Variants in DEK observed in about 807,000 individuals in gnomAD.
The protein encoded by DEK is protein DEK.
DEK carries 28 observed loss-of-function variants against 46.8 expected under a neutral mutation model. That is an observed-to-expected ratio of 0.60 (90% confidence interval 0.44 to 0.82). DEK has a LOEUF of 0.82. Among genes scored for constraint, DEK ranks in the 40% least tolerant of loss-of-function variants. The pLI is 0.00. For synonymous variants in DEK, 160 were observed against 144.5 expected (o/e 1.11, Z -0.77); for missense variants, 416 against 430.6 (o/e 0.97, Z 0.30).
chr6:18,264,100 T>C (rs1298745931), intron 1 of DEK, 104 bp from the exon 2 acceptor site: 33 of 1,095,564 alleles, frequency 3.0e-5, no homozygotes, highest in Non-Finnish European at 4.0e-5. Context: ...ACACCTGCCC[T>C]GAAAGTTGCC....
intron 2 of DEK, among the ~76,000 whole-genome samples, chr6:18,261,227 G>C (rs1791847757): frequency 1.3e-5 from 2 of 152,144 alleles, no homozygotes; most frequent in Non-Finnish European, 2.9e-5. Flanking sequence ...CAGACATGCA[G>C]TAAAAGGAGA....
intron 8 of DEK, chr6:18,237,004 C>G (rs1582264281): frequency 5.3e-6 from 1 of 190,068 alleles, no homozygotes; most frequent in African/African-American, 2.3e-5. Context: ...AGATAGGAGA[C>G]TCGCTTGAGT....
intron 6 of DEK, among the ~76,000 whole-genome samples, chr6:18,250,064 G>A (rs1297885355): frequency 2.0e-5 from 3 of 152,168 alleles, no homozygotes; most frequent in East Asian, 1.9e-4. Flanking sequence ...CTCAATTGTA[G>A]AGAAATATGT....
chr6:18,264,028 T>A (rs1791996932), intron 1 of DEK, 32 bp from the exon 2 acceptor site: 1 of 1,562,270 alleles, frequency 6.4e-7, no homozygotes, highest in African/African-American at 1.4e-5. Flanking sequence ...GACGTCTCGG[T>A]CCTCCTACTC....
chr6:18,264,481 T>C lies in DEK; in HGVS notation c.-106A>G, dbSNP rs753085208. 3.7e-6 allele frequency: 1 copy of C among 273,604 alleles called. No homozygotes were observed. The highest frequency in any genetic ancestry group is 5.4e-4 in the Middle Eastern group (1 of 1,860). The allele number at this position is 273,604 out of a possible 1,614,324, so 16.9% of individuals were successfully genotyped here. On this transcript the variant is annotated 5_prime_UTR_variant, in exon 1 of 11. Coordinates refer to ENST00000652689, the MANE Select transcript of DEK (RefSeq NM_003472.4). ...GCCGAGGAGAAGGCGCGCGGGCCGCTGTCTGGCGTGACGCTCGCGCCGCGC... is the reference window on the plus strand; with the variant it reads ...GCCGAGGAGAAGGCGCGCGGGCCGCCGTCTGGCGTGACGCTCGCGCCGCGC...
rs1391973282 is a variant in DEK at position 18,263,970 on chromosome 6, A to G, written c.18T>C (p.Pro6=). The change falls in exon 2 of 11, where the codon CCT becomes CCC. Residue 6 remains proline (P), a synonymous_variant. Coordinates refer to ENST00000652689, the MANE Select transcript of DEK (RefSeq NM_003472.4). ...TGGGGGTTCCCTCCCCCTCCGCAGC[A>G]GGGGCCGAGGCGGACATGCTGTGAA... is the stretch of plus-strand genomic sequence containing the variant. The part of the protein sequence containing the change: MSASA[P]AAEGEGTPTQ... 4.3e-6 allele frequency: 7 copies of G among 1,611,200 alleles called. No homozygotes were observed. The Admixed American group carries it at 1.2e-4, about 27-fold the overall frequency.
chr6:18,257,257 T>C (rs142026483), intron 4 of DEK, among the ~76,000 whole-genome samples: 27 of 152,334 alleles, frequency 1.8e-4, no homozygotes, highest in African/African-American at 6.3e-4. Flanking sequence ...ATCATATGTA[T>C]GATCTCATAC....
intron 9 of DEK, among the ~76,000 whole-genome samples, chr6:18,227,918 A>G (rs986381907): frequency 1.7e-4 from 26 of 152,112 alleles, no homozygotes; most frequent in African/African-American, 6.3e-4. Flanking sequence ...CCTCTACTCC[A>G]CTGCTCAGTC....
At chr6:18,263,416 C>A (rs1258003081) in intron 2 of DEK, among the ~76,000 whole-genome samples, 1 of 152,082 alleles carries the variant, frequency 6.6e-6, no homozygotes, top group African/African-American at 2.4e-5. Flanking sequence ...TCTTAACGGG[C>A]TGCACCAAGA....
intron 2 of DEK, 139 bp downstream of exon 2, chr6:18,263,704 T>C (rs1791975425): frequency 1.9e-6 from 3 of 1,563,208 alleles, no homozygotes; most frequent in African/African-American, 2.8e-5. Context: ...GCAGATAAAT[T>C]GTGCACACAT....
At chr6:18,246,351 G>A (rs78298666) in intron 7 of DEK, among the ~76,000 whole-genome samples, 3,113 of 152,212 alleles carry the variant, frequency 0.02, 103 homozygotes, top group African/African-American at 0.07. Flanking sequence ...TTTATAAAGG[G>A]ATTTCTTTCT....
chr6:18,256,388 T>C lies in DEK; in HGVS notation c.425A>G (p.Tyr142Cys). ...TTTCAACATTTCTTCCTTCTTTTTA[T>C]ATTGGACACTTCCTTTTTCAAATGG... ...GFPFEKGSVQ[Y>C]KKKEEMLKKF... The change falls in exon 5 of 11, where the codon TAT becomes TGT. Residue 142 changes from tyrosine to cysteine, a missense_variant. Transcript: ENST00000652689. 3 of 1,613,536 alleles carry C rather than the reference T, an allele frequency of 1.9e-6. No individual in the cohort carries two copies. The highest frequency in any genetic ancestry group is 1.7e-5 in the Admixed American group (1 of 59,950).
chr6:18,230,499 A>C (rs1472492713), intron 9 of DEK, among the ~76,000 whole-genome samples: 1 of 152,208 alleles, frequency 6.6e-6, no homozygotes, highest in African/African-American at 2.4e-5. Flanking sequence ...ATGTGCAGAG[A>C]CACACATAGG....
Position 18,256,420 on chromosome 6 carries a change from A to G in DEK, c.393T>C (p.Ser131=), listed in dbSNP as rs1791599578. 1.2e-6 allele frequency: 2 copies of G among 1,613,360 alleles called. No individual in the cohort carries two copies. The highest frequency in any genetic ancestry group is 2.7e-5 in the African/African-American group (2 of 74,922). Residue 131 remains serine (S), a synonymous_variant, in exon 5 of 11, where the codon AGT becomes AGC. Transcript: ENST00000652689. The part of the protein sequence containing the change: ...SSLKKNVGQF[S]GFPFEKGSVQ... ...CACTTCCTTTTTCAAATGGAAAGCC[A>G]CTGAACTGACCCACATTCTTCTTTA...
chr6:18,226,979 C>T (rs1239343082), intron 9 of DEK, among the ~76,000 whole-genome samples: 2 of 151,292 alleles, frequency 1.3e-5, no homozygotes, highest in East Asian at 3.9e-4. Flanking sequence ...GCAGCATGCT[C>T]GTTAACAGTC....
rs188930685 is a variant in DEK, at chr6:18,230,064, G to C, written c.1048-3822C>G. On this transcript the variant is annotated intron_variant, in intron 9 of 10. Coordinates refer to ENST00000652689, the MANE Select transcript of DEK (RefSeq NM_003472.4). ...ACTCTACAAGCCAGAATAGAGTGAG[G>C]GCCAATATTCGACATTCTTAAAGAA... is the stretch of plus-strand genomic sequence containing the variant. 3.1e-3 allele frequency among the ~76,000 whole-genome samples: 477 copies of C among 152,288 alleles called. 4 individuals carry two copies. Among genetic ancestry groups the C allele is most frequent in the African/African-American group, 0.011 (446 of 41,558 alleles).
At chr6:18,244,130 C>T (rs1791008066) in intron 7 of DEK, among the ~76,000 whole-genome samples, 1 of 152,028 alleles carries the variant, frequency 6.6e-6, no homozygotes. Flanking sequence ...GGAGACAAGA[C>T]TGAGTCTTTT....
chr6:18,252,925 A>G (rs953785315), intron 6 of DEK, among the ~76,000 whole-genome samples: 4 of 152,244 alleles, frequency 2.6e-5, no homozygotes, highest in African/African-American at 7.2e-5. Context: ...TGTCCTTGAT[A>G]AAACAATAAA....
At chr6:18,257,627 G>T (rs931395251) in intron 4 of DEK, among the ~76,000 whole-genome samples, 1 of 151,838 alleles carries the variant, frequency 6.6e-6, no homozygotes, top group Non-Finnish European at 1.5e-5. Context: ...TAAGCGGGAG[G>T]AACACTTGAG....
Sources: allele counts gnomAD v4.1 joint callset (sites outside exome capture counted in the v4.1 genomes callset), GRCh38; gene constraint gnomAD v4.1.1; transcripts MANE v1.5; gene names NCBI Gene and HGNC (gene_info 2026-07-23, HGNC 2026-07-21).